The following SYCP1 variants were observed in gnomAD, a reference collection of about 807,000 sequenced individuals.
SYCP1 encodes the protein cancer/testis antigen 8.
Under a neutral mutation model 153.1 loss-of-function variants are expected in SYCP1, and 64 were observed. The observed-to-expected ratio is 0.42, with a 90% confidence interval of 0.34 to 0.51. SYCP1 has a LOEUF of 0.51. SYCP1 is among the 20% of genes least tolerant of loss of function. SYCP1 has a pLI of 0.06. For missense variants in SYCP1, 997 were observed against 1,049.0 expected (o/e 0.95, Z 0.68); for synonymous variants, 384 against 341.8 (o/e 1.12, Z -1.36).
At chr1:114,923,325 A>C in intron 20 of SYCP1, 124 bp from the exon 21 acceptor site, 1 of 994,338 alleles carries the variant, frequency 1.0e-6, no homozygotes, top group Non-Finnish European at 1.4e-6. Flanking sequence ...TGAAGTATTC[A>C]GTTTTGGTTT....
At chr1:114,858,490 G>C (rs1213452491) in intron 5 of SYCP1, 57 bp from the exon 6 acceptor site, 1 of 1,424,296 alleles carries the variant, frequency 7.0e-7, no homozygotes, top group East Asian at 2.3e-5. Flanking sequence ...GTAGGCAGCT[G>C]TAGTTTGGTT....
At chr1:114,983,224 G>T (rs1387216041) in intron 29 of SYCP1, among the ~76,000 whole-genome samples, 3 of 151,974 alleles carry the variant, frequency 2.0e-5, no homozygotes, top group Admixed American at 6.6e-5. Flanking sequence ...CTACACATAT[G>T]CGTGGCCTTC....
chr1:114,946,080 T>A (rs982361933), intron 25 of SYCP1, among the ~76,000 whole-genome samples: 5 of 152,094 alleles, frequency 3.3e-5, no homozygotes, highest in Non-Finnish European at 7.4e-5. Context: ...TGTGTTTCAC[T>A]ATTGAGGTTG....
At chr1:114,886,664 T>C (rs1291412339) in intron 14 of SYCP1, among the ~76,000 whole-genome samples, 1 of 152,094 alleles carries the variant, frequency 6.6e-6, no homozygotes, top group Non-Finnish European at 1.5e-5. Context: ...GTCAGGTTTA[T>C]CTTACTGAGG....
intron 27 of SYCP1, among the ~76,000 whole-genome samples, chr1:114,974,989 T>C (rs1672721734): frequency 6.6e-6 from 1 of 151,826 alleles, no homozygotes; most frequent in Non-Finnish European, 1.5e-5. Context: ...CACATCAGCA[T>C]TTGTTATTTC....
intron 15 of SYCP1, among the ~76,000 whole-genome samples, chr1:114,889,979 A>G (rs935603588): frequency 2.0e-5 from 3 of 152,276 alleles, no homozygotes; most frequent in Admixed American, 6.5e-5. Flanking sequence ...TATTTGTAAT[A>G]ATTCAGTCTA....
chr1:114,881,557 C>T (rs900455915), intron 12 of SYCP1, among the ~76,000 whole-genome samples: 2 of 81,744 alleles, frequency 2.4e-5, no homozygotes, highest in African/African-American at 3.8e-5. Context: ...GATGGAGTCT[C>T]GCTCTGTTGC....
chr1:114,900,769 T>G (rs1366461093), intron 16 of SYCP1, among the ~76,000 whole-genome samples: 1 of 152,192 alleles, frequency 6.6e-6, no homozygotes, highest in African/African-American at 2.4e-5. Context: ...CCTGCATAAT[T>G]AAGGGTGTGG....
In SYCP1 at chr1:114,913,022, T is replaced by G; in HGVS notation, c.1530-11T>G. On this transcript the variant is annotated splice_polypyrimidine_tract_variant and intron_variant, in intron 18 of 31. Coordinates refer to ENST00000369522, the MANE Select transcript of SYCP1 (RefSeq NM_003176.4). ...AAATATTTTGGTATGACTTTTTTTT[T>G]TAAAAAATAGGCTTAAGAATACTGA... The G allele has an allele frequency of 6.4e-7, 1 of 1,573,772 alleles. No individual in the cohort carries two copies. Among genetic ancestry groups the G allele is most frequent in the Non-Finnish European group, 8.6e-7 (1 of 1,162,258 alleles).
intron 27 of SYCP1, among the ~76,000 whole-genome samples, chr1:114,967,074 T>C (rs1672176162): frequency 6.6e-6 from 1 of 152,214 alleles, no homozygotes; most frequent in African/African-American, 2.4e-5. Flanking sequence ...TTGCATTTGC[T>C]GAGGGTGTTT....
At chr1:114,900,335 C>T (rs370473305) in intron 16 of SYCP1, among the ~76,000 whole-genome samples, 4 of 152,048 alleles carry the variant, frequency 2.6e-5, no homozygotes, top group East Asian at 1.9e-4. Context: ...GGCTGGAGTG[C>T]GGTGGCGTGA....
intron 27 of SYCP1, among the ~76,000 whole-genome samples, chr1:114,949,587 T>A (rs189939438): frequency 3.9e-4 from 59 of 152,328 alleles, no homozygotes; most frequent in African/African-American, 1.4e-3. Context: ...GAATATGCCT[T>A]GATATGTGAG....
At position 114,857,451 on chromosome 1, in the gene SYCP1, A is replaced by G. The variant is rs771112440; in HGVS notation, c.245A>G (p.Asn82Ser). ...AAACATCTATCTTTTTAGGTTGGTA[A>G]TTCTGACTGTCACTATCAGGAAGGA... ...NFLPVLEQVG[N>S]SDCHYQEGLK... The change falls in exon 5 of 32, where the codon AAT becomes AGT. Residue 82 changes from asparagine to serine, a missense_variant. Asn to Ser is a conservative substitution (Grantham distance 46, BLOSUM62 1). Coordinates refer to ENST00000369522, the MANE Select transcript of SYCP1 (RefSeq NM_003176.4). The G allele has an allele frequency of 6.3e-7, 1 of 1,599,560 alleles. No homozygotes were observed. Among genetic ancestry groups the G allele is most frequent in the South Asian group, 1.1e-5 (1 of 87,606 alleles).
intron 8 of SYCP1, among the ~76,000 whole-genome samples, chr1:114,861,799 CT>C (rs1334859101): frequency 1.4e-3 from 186 of 129,842 alleles, no homozygotes; most frequent in East Asian, 2.4e-3. Flanking sequence ...TTTTTTTATT[CT>C]TTTTTTTTTT....
intron 18 of SYCP1, 25 bp downstream of exon 18, chr1:114,911,607 TA>T (rs766303504): frequency 5.4e-6 from 7 of 1,305,086 alleles, no homozygotes; most frequent in Non-Finnish European, 7.2e-6. Context: ...TATCTAAAAA[TA>T]GTTTATGTAC....
Position 114,873,304 on chromosome 1 carries a change from C to G in SYCP1, c.599-1202C>G, listed in dbSNP as rs141329334. On this transcript the variant is annotated intron_variant, in intron 8 of 31. Transcript: ENST00000369522. ...TATAGGGGGAGGAGTATTCTATAGA[C>G]CTATGGTTAGGTCTCAGTTTTTTAG... 9.1e-3 allele frequency among the ~76,000 whole-genome samples: 1,385 copies of G among 152,196 alleles called. 14 individuals carry two copies. Among genetic ancestry groups the G allele is most frequent in the African/African-American group, 0.031 (1,297 of 41,520 alleles).
intron 18 of SYCP1, among the ~76,000 whole-genome samples, chr1:114,912,126 G>A (rs570523533): frequency 6.6e-6 from 1 of 151,984 alleles, no homozygotes; most frequent in South Asian, 2.1e-4. Context: ...GATTAAATAT[G>A]AGAAGTAAAC....
At position 114,914,007 on chromosome 1, in the gene SYCP1, A is replaced by G; in HGVS notation, c.1680A>G (p.Lys560=). ...NNKKQEERML[K]QIENLQETET... is the part of the protein sequence containing the mutation. ...AAAAGCAAGAAGAAAGGATGTTGAAACAAATAGAAAATCTTCAAGAAACAG... is the reference window on the plus strand; with the variant it reads ...AAAAGCAAGAAGAAAGGATGTTGAAGCAAATAGAAAATCTTCAAGAAACAG... The change falls in exon 20 of 32, where the codon AAA becomes AAG. Residue 560 remains lysine, a synonymous_variant. Coordinates refer to ENST00000369522, the MANE Select transcript of SYCP1 (RefSeq NM_003176.4). 6.3e-7 allele frequency: 1 copy of G among 1,577,164 alleles called. No individual in the cohort carries two copies. The highest frequency in any genetic ancestry group is 1.4e-5 in the African/African-American group (1 of 73,530).
At chr1:114,901,234 T>C (rs1307384686) in intron 16 of SYCP1, among the ~76,000 whole-genome samples, 3 of 151,804 alleles carry the variant, frequency 2.0e-5, no homozygotes, top group African/African-American at 7.3e-5. Flanking sequence ...CAAGGCAAAA[T>C]CGAGAAAAAT....
Sources: gnomAD v4.1 joint callset for allele counts (sites outside exome capture counted in the v4.1 genomes callset) on GRCh38, gnomAD v4.1.1 for gene constraint, MANE v1.5 for transcripts, NCBI Gene and HGNC (gene_info 2026-07-23, HGNC 2026-07-21) for gene names.